TXNDC8: variants seen among roughly 807,000 people sequenced by gnomAD.
TXNDC8 encodes thioredoxin domain containing 8.
A neutral mutation model predicts 12.9 loss-of-function variants in TXNDC8; 15 were observed. That is an observed-to-expected ratio of 1.16 (90% CI 0.78 to 1.79). TXNDC8 has a LOEUF of 1.79. Ranked by LOEUF, TXNDC8 falls within the 40% of genes most tolerant of loss-of-function variation. The pLI is 0.00. For synonymous variants in TXNDC8, 40 were observed against 35.4 expected (o/e 1.13, Z -0.46); for missense variants, 128 against 113.2 (o/e 1.13, Z -0.59).
At chr9:110,305,611 T>TTTCG (rs1564092952) in intron 3 of TXNDC8, among the ~76,000 whole-genome samples, 2 of 141,412 alleles carry the variant, frequency 1.4e-5, no homozygotes, top group Non-Finnish European at 3.1e-5. Context: ...TCTTTCTTTC[T>TTTCG]TTTTCTTCCT....
chr9:110,315,342 C>T lies in TXNDC8; in HGVS notation c.196-10810G>A, dbSNP rs192262461. ...CGAACTCCTGACCTCAGGTAATCCA[C>T]CCGCCTCAGCCTCCCAAAGTGCTGG... On this transcript the variant is annotated intron_variant, in intron 3 of 4. Transcript: ENST00000423740. Among the ~76,000 whole-genome samples, 307 of 152,306 alleles carry T rather than the reference C, an allele frequency of 2.0e-3. 1 individual carries two copies. Among genetic ancestry groups the T allele is most frequent in the African/African-American group, 7.0e-3 (290 of 41,564 alleles).
At chr9:110,329,571 G>A (rs554328490) in intron 2 of TXNDC8, among the ~76,000 whole-genome samples, 62 of 152,198 alleles carry the variant, frequency 4.1e-4, no homozygotes, top group Non-Finnish European at 4.9e-4. Context: ...CAGAATGTGC[G>A]TGGTGGATCC....
At chr9:110,316,930 G>A (rs537066449) in intron 3 of TXNDC8, among the ~76,000 whole-genome samples, 1 of 152,180 alleles carries the variant, frequency 6.6e-6, no homozygotes, top group African/African-American at 2.4e-5. Flanking sequence ...AAACAAATGG[G>A]CATGGCTGTG....
intron 2 of TXNDC8, among the ~76,000 whole-genome samples, chr9:110,326,940 G>GCACACACACACACACACACACACACA (rs377527245): frequency 1.4e-5 from 2 of 142,922 alleles, no homozygotes; most frequent in African/African-American, 5.2e-5. Context: ...TGCTACTCAT[G>GCACACACACACACACACACACACACA]CACACACACA....
downstream of TXNDC8, among the ~76,000 whole-genome samples, chr9:110,302,039 G>T (rs1207891280): frequency 1.3e-5 from 2 of 151,550 alleles, no homozygotes; most frequent in African/African-American, 4.9e-5. Flanking sequence ...ATCCAGGCTG[G>T]AGTGCAGTGG....
chr9:110,309,876 A>C (rs1458591421), intron 3 of TXNDC8, among the ~76,000 whole-genome samples: 3 of 152,122 alleles, frequency 2.0e-5, no homozygotes, highest in Non-Finnish European at 4.4e-5. Context: ...GGAAACCAAT[A>C]ATCTAAGTTC....
downstream of TXNDC8, among the ~76,000 whole-genome samples, chr9:110,302,116 A>G (rs1187919443): frequency 6.6e-6 from 1 of 151,962 alleles, no homozygotes; most frequent in Admixed American, 6.6e-5. Context: ...CAGCCTCCCA[A>G]GCAGCTGGGA....
intron 2 of TXNDC8, among the ~76,000 whole-genome samples, chr9:110,327,612 T>A (rs1463555109): frequency 1.3e-5 from 2 of 152,184 alleles, no homozygotes; most frequent in Non-Finnish European, 2.9e-5. Flanking sequence ...TGTGAGCCAC[T>A]GTGCCTGGCC....
intron 3 of TXNDC8, among the ~76,000 whole-genome samples, chr9:110,312,439 C>T (rs10119311): frequency 0.022 from 3,273 of 152,066 alleles, 134 homozygotes; most frequent in African/African-American, 0.075. Context: ...GGCCTCATAC[C>T]TTGTCTACAC....
chr9:110,322,108 T>TGTCAAA lies in TXNDC8; in HGVS notation c.195+4061_195+4066dup, dbSNP rs1436814900. ...ATCTAAATTGATCCAGGTATGAATC[T>TGTCAAA]GTCAAAGATATGATTACGATGTACA... On this transcript the variant is annotated intron_variant, in intron 3 of 4. Transcript: ENST00000423740. 1.1e-4 allele frequency among the ~76,000 whole-genome samples: 16 copies of TGTCAAA among 152,204 alleles called. No individual in the cohort carries two copies. The East Asian group carries it at 3.1e-3, about 29-fold the overall frequency.
intron 2 of TXNDC8, among the ~76,000 whole-genome samples, chr9:110,333,158 G>T (rs1158383016): frequency 6.6e-6 from 1 of 152,048 alleles, no homozygotes; most frequent in Non-Finnish European, 1.5e-5. Context: ...GATATACCAG[G>T]CATCCTCAAT....
At chr9:110,329,433 G>T (rs1839469682) in intron 2 of TXNDC8, 142 bp from the exon 3 acceptor site, 1 of 643,682 alleles carries the variant, frequency 1.6e-6, no homozygotes, top group Non-Finnish European at 2.6e-6. Flanking sequence ...TTTCACTACA[G>T]CCTAGAGCCT....
Position 110,319,684 on chromosome 9 carries a change from G to T in TXNDC8, c.195+6491C>A, listed in dbSNP as rs566699657. 9.2e-5 allele frequency among the ~76,000 whole-genome samples: 14 copies of T among 152,300 alleles called. No homozygotes were observed. The South Asian group carries it at 2.9e-3, about 32-fold the overall frequency. On this transcript the variant is annotated intron_variant, in intron 3 of 4. Coordinates refer to ENST00000423740, the MANE Select transcript of TXNDC8 (RefSeq NM_001286946.2). ...TTATGAAGTTGAACAGAGAGAAGTT[G>T]GGAACGTGATTCTCCAGGCACCAAC...
chr9:110,312,621 T>A (rs1319675428), intron 3 of TXNDC8, among the ~76,000 whole-genome samples: 1 of 152,146 alleles, frequency 6.6e-6, no homozygotes, highest in Non-Finnish European at 1.5e-5. Context: ...TTATCTGAGA[T>A]TCTTTCTATG....
At chr9:110,335,191 ACTCATAGAGTAAGTG>A (rs1839696452) in intron 1 of TXNDC8, among the ~76,000 whole-genome samples, 1 of 152,160 alleles carries the variant, frequency 6.6e-6, no homozygotes, top group Non-Finnish European at 1.5e-5. Flanking sequence ...CTCATAGTGT[ACTCATAGAGTAAGTG>A]CTCATAGAGT....
chr9:110,330,001 G>A (rs2118854704), intron 2 of TXNDC8, among the ~76,000 whole-genome samples: 1 of 152,260 alleles, frequency 6.6e-6, no homozygotes, highest in East Asian at 1.9e-4. Context: ...GGTGACCATG[G>A]TGCTGGTAGT....
At chr9:110,333,227 G>C (rs1839610741) in intron 2 of TXNDC8, among the ~76,000 whole-genome samples, 1 of 152,070 alleles carries the variant, frequency 6.6e-6, no homozygotes, top group Non-Finnish European at 1.5e-5. Context: ...GTGAGCGGTG[G>C]GTGAGCTGTC....
chr9:110,309,346 A>T (rs895901720), intron 3 of TXNDC8, among the ~76,000 whole-genome samples: 18 of 152,070 alleles, frequency 1.2e-4, no homozygotes, highest in South Asian at 1.0e-3. Flanking sequence ...TTATTTATTT[A>T]TTTTTTTGAG....
chr9:110,337,006 G>A (rs908337878), intron 1 of TXNDC8, among the ~76,000 whole-genome samples: 2 of 152,182 alleles, frequency 1.3e-5, no homozygotes, highest in Non-Finnish European at 2.9e-5. Flanking sequence ...AATGTGTGAT[G>A]TTTCAAAACA....
Sources: gnomAD v4.1 joint callset for allele counts (sites outside exome capture counted in the v4.1 genomes callset) on GRCh38, gnomAD v4.1.1 for gene constraint, MANE v1.5 for transcripts, NCBI Gene and HGNC (gene_info 2026-07-23, HGNC 2026-07-21) for gene names.